Variants in WDR49 observed in about 807,000 individuals in gnomAD.
WDR49 encodes cilia- and flagella-associated protein 337.
WDR49 carries 107 observed loss-of-function variants against 119.5 expected under a neutral mutation model. The observed-to-expected ratio is 0.90, with a 90% CI of 0.77 to 1.05. The LOEUF (loss-of-function observed/expected upper bound fraction) is 1.05. Ranked by LOEUF, WDR49 falls within the 50% of genes least tolerant of loss-of-function variation. The pLI, the probability that WDR49 is intolerant of heterozygous loss-of-function variation, is 0.00. For missense variants in WDR49, 1,240 were observed against 1,220.5 expected (o/e 1.02, Z -0.24); for synonymous variants, 425 against 418.8 (o/e 1.01, Z -0.18).
chr3:167,492,539 A>G (rs1751183510), intron 18 of WDR49, among the ~76,000 whole-genome samples: 1 of 152,142 alleles, frequency 6.6e-6, no homozygotes, highest in Non-Finnish European at 1.5e-5. Context: ...GGCATTACCA[A>G]TAAATAAAAT....
chr3:167,513,855 A>G (rs1752085895), intron 16 of WDR49, among the ~76,000 whole-genome samples: 1 of 152,234 alleles, frequency 6.6e-6, no homozygotes, highest in Non-Finnish European at 1.5e-5. Flanking sequence ...AGATCAAAAA[A>G]GACAAAAAAA....
chr3:167,500,630 A>G (rs1751525828), intron 17 of WDR49, among the ~76,000 whole-genome samples: 1 of 152,274 alleles, frequency 6.6e-6, no homozygotes, highest in South Asian at 2.1e-4. Context: ...AGAAAATTGT[A>G]TCTTTTGTGA....
chr3:167,543,491 C>G lies in WDR49; in HGVS notation c.1824-6491G>C, dbSNP rs571959130. 2.0e-5 allele frequency among the ~76,000 whole-genome samples: 3 copies of G among 152,102 alleles called. No homozygotes were observed. The East Asian group carries it at 5.8e-4, about 29-fold the overall frequency. On this transcript the variant is annotated intron_variant, in intron 10 of 18. Transcript: ENST00000682715. ...GGATGCAGAGATGGTTTAACACACACAAGTTAATAAATGTAATACATCACA... is the reference window on the plus strand; with the variant it reads ...GGATGCAGAGATGGTTTAACACACAGAAGTTAATAAATGTAATACATCACA...
intron 18 of WDR49, among the ~76,000 whole-genome samples, chr3:167,499,458 C>G (rs1204285830): frequency 6.6e-6 from 1 of 152,102 alleles, no homozygotes; most frequent in Non-Finnish European, 1.5e-5. Flanking sequence ...ATGAGCTTCC[C>G]CTGCAGTGTC....
chr3:167,527,954 G>T lies in WDR49; in HGVS notation c.2470C>A (p.Gln824Lys). Reference sequence around the variant, plus strand: ...GAACTTATTCGGTCCTCATGAGGTTGGAATGATCTTATCAGAGTTGGGGCC... The same window carrying T: ...GAACTTATTCGGTCCTCATGAGGTTTGAATGATCTTATCAGAGTTGGGGCC... ...TKAPTLIRSF[Q>K]PHEDRISSLE... Residue 824 changes from glutamine (Q) to lysine (K), a missense_variant, in exon 15 of 19, where the codon CAA (glutamine) becomes AAA (lysine). Gln to Lys is a moderately conservative substitution (Grantham distance 53). Coordinates refer to ENST00000682715, the MANE Select transcript of WDR49 (RefSeq NM_001366157.1). The T allele has an allele frequency of 6.2e-7, 1 of 1,613,236 alleles. No homozygotes were observed. Among genetic ancestry groups the T allele is most frequent in the Non-Finnish European group, 8.5e-7 (1 of 1,179,550 alleles).
chr3:167,627,599 G>T (rs898451620), intron 2 of WDR49, among the ~76,000 whole-genome samples: 17 of 151,974 alleles, frequency 1.1e-4, no homozygotes, highest in African/African-American at 3.9e-4. Flanking sequence ...GCGAGCCAAA[G>T]AATTCAGGTT....
chr3:167,497,875 C>CTTTTTTT (rs10634534), intron 18 of WDR49, among the ~76,000 whole-genome samples: 1 of 128,226 alleles, frequency 7.8e-6, no homozygotes, highest in African/African-American at 3.0e-5. Flanking sequence ...CATATTCATT[C>CTTTTTTT]TTTTTTTTTT....
intron 12 of WDR49, among the ~76,000 whole-genome samples, chr3:167,532,586 T>C (rs965140482): frequency 1.3e-5 from 2 of 152,130 alleles, no homozygotes; most frequent in African/African-American, 4.8e-5. Context: ...GCAAGGTTTA[T>C]TGAAAAAAAA....
At chr3:167,516,391 T>C (rs1174324945) in intron 16 of WDR49, among the ~76,000 whole-genome samples, 3 of 152,058 alleles carry the variant, frequency 2.0e-5, no homozygotes, top group Non-Finnish European at 4.4e-5. Flanking sequence ...AGAATGATGG[T>C]TTCCAGCTTC....
chr3:167,636,354 C>G (rs1717620730), intron 2 of WDR49, among the ~76,000 whole-genome samples: 1 of 151,034 alleles, frequency 6.6e-6, no homozygotes, highest in Admixed American at 6.6e-5. Flanking sequence ...TATGTATATA[C>G]ATGTATATAT....
intron 10 of WDR49, among the ~76,000 whole-genome samples, chr3:167,548,106 T>C (rs537043875): frequency 6.6e-6 from 1 of 152,186 alleles, no homozygotes; most frequent in South Asian, 2.1e-4. Context: ...GACTTACTTG[T>C]AGGGTCCATT....
intron 5 of WDR49, among the ~76,000 whole-genome samples, chr3:167,608,813 C>T (rs746295900): frequency 6.6e-6 from 1 of 151,796 alleles, no homozygotes; most frequent in Non-Finnish European, 1.5e-5. Flanking sequence ...GAGGAAAATA[C>T]TTTTAAATTA....
At chr3:167,504,960 T>A (rs1165075159) in intron 17 of WDR49, among the ~76,000 whole-genome samples, 1 of 152,190 alleles carries the variant, frequency 6.6e-6, no homozygotes, top group Non-Finnish European at 1.5e-5. Flanking sequence ...ACCAAGCAGA[T>A]ACCAACATTA....
At chr3:167,500,358 T>C (rs1751515699) in intron 17 of WDR49, 59 bp from the exon 18 acceptor site, 2 of 1,569,592 alleles carry the variant, frequency 1.3e-6, no homozygotes, top group Admixed American at 2.0e-5. Context: ...TATCATTAAC[T>C]CCTTGGAAAG....
At chr3:167,551,846 G>A (rs1001658844) in intron 10 of WDR49, among the ~76,000 whole-genome samples, 1 of 151,690 alleles carries the variant, frequency 6.6e-6, no homozygotes, top group Non-Finnish European at 1.5e-5. Flanking sequence ...TAAGCTCCAG[G>A]AATGCACACA....
intron 17 of WDR49, among the ~76,000 whole-genome samples, chr3:167,502,876 C>T (rs1751628716): frequency 6.6e-6 from 1 of 152,038 alleles, no homozygotes. Context: ...ATGTGGCAAA[C>T]AAACAAATTT....
intron 5 of WDR49, among the ~76,000 whole-genome samples, chr3:167,611,947 C>A (rs1336908560): frequency 6.6e-6 from 1 of 151,858 alleles, no homozygotes; most frequent in African/African-American, 2.4e-5. Flanking sequence ...AGAAAATCAA[C>A]AAACGTCAGA....
intron 16 of WDR49, among the ~76,000 whole-genome samples, chr3:167,520,862 A>T (rs972036457): frequency 9.2e-5 from 14 of 152,138 alleles, no homozygotes; most frequent in Non-Finnish European, 7.3e-5. Context: ...GGATGCGGAA[A>T]CTATAAGGGA....
intron 18 of WDR49, among the ~76,000 whole-genome samples, chr3:167,479,322 G>C (rs964778298): frequency 6.6e-6 from 1 of 151,976 alleles, no homozygotes; most frequent in Non-Finnish European, 1.5e-5. Context: ...GACATAAAGA[G>C]CCAAGAAAAA....
Sources: gnomAD v4.1 joint callset for allele counts (sites outside exome capture counted in the v4.1 genomes callset) on GRCh38, gnomAD v4.1.1 for gene constraint, MANE v1.5 for transcripts, NCBI Gene and HGNC (gene_info 2026-07-23, HGNC 2026-07-21) for gene names.